The following RINT1 variants were observed in gnomAD, a reference collection of about 807,000 sequenced individuals.
RINT1 encodes the protein RAD50-interacting protein 1.
Under a neutral mutation model 97.7 loss-of-function variants are expected in RINT1, and 75 were observed. That is an observed-to-expected ratio of 0.77 (90% confidence interval 0.64 to 0.93). RINT1 has a LOEUF of 0.93. Among genes scored for constraint, RINT1 ranks in the 40% least tolerant of loss-of-function variants. The pLI is 0.00. For synonymous variants in RINT1, 303 were observed against 326.3 expected, an observed-to-expected ratio of 0.93 and a Z score of 0.77; for missense variants, 892 against 925.2, an observed-to-expected ratio of 0.96 and a Z score of 0.47.
At position 105,550,063 on chromosome 7, in the gene RINT1, G is replaced by C; in HGVS notation, c.1005G>C (p.Trp335Cys). The change falls in exon 8 of 15, where the codon TGG becomes TGC. Residue 335 changes from tryptophan to cysteine, a missense_variant. Transcript: ENST00000257700. Reference sequence around the variant, plus strand: ...TTTTCCTCCTTCCTTAGCCAGAATGGTACTTGGCTCAAGTACTTATGTGGA... The same window carrying C: ...TTTTCCTCCTTCCTTAGCCAGAATGCTACTTGGCTCAAGTACTTATGTGGA... Reference protein sequence around the residue: ...RQTNVLSKPEWYLAQVLMWIG... With the variant: ...RQTNVLSKPECYLAQVLMWIG... The C allele has an allele frequency of 6.2e-7, 1 of 1,603,812 alleles. No individual in the cohort carries two copies. The highest frequency in any genetic ancestry group is 8.5e-7 in the Non-Finnish European group (1 of 1,172,954).
Position 105,567,544 on chromosome 7 carries a change from G to A in RINT1, c.*233G>A, listed in dbSNP as rs1397744291. 3.0e-6 allele frequency: 2 copies of A among 673,974 alleles called. No individual in the cohort carries two copies. The highest frequency in any genetic ancestry group is 5.3e-6 in the Non-Finnish European group (2 of 377,508). The allele number at this position is 673,974 out of a possible 1,614,324, so 41.7% of individuals were successfully genotyped here. ...AATGAAAACTCAATTCTATTTACAA[G>A]TATAAATGCTGAGTATGTCTGTTGA... On this transcript the variant is annotated 3_prime_UTR_variant, in exon 15 of 15. Transcript: ENST00000257700.
At chr7:105,533,224 G>A (rs1311160354) in intron 2 of RINT1, among the ~76,000 whole-genome samples, 1 of 152,100 alleles carries the variant, frequency 6.6e-6, no homozygotes, top group East Asian at 1.9e-4. Context: ...CCATGATCTA[G>A]GACAGACGAC....
intron 11 of RINT1, among the ~76,000 whole-genome samples, chr7:105,561,484 T>C (rs998555085): frequency 2.6e-5 from 4 of 152,076 alleles, no homozygotes; most frequent in Non-Finnish European, 4.4e-5. Flanking sequence ...CCGAGATTGC[T>C]CCATTTCATT....
At chr7:105,563,104 A>G (rs1791511064) in intron 11 of RINT1, among the ~76,000 whole-genome samples, 1 of 151,884 alleles carries the variant, frequency 6.6e-6, no homozygotes. Flanking sequence ...ACAATATGAT[A>G]CGTGTTACAA....
intron 4 of RINT1, among the ~76,000 whole-genome samples, chr7:105,545,798 C>T (rs866437568): frequency 7.3e-6 from 1 of 136,412 alleles, no homozygotes; most frequent in African/African-American, 2.8e-5. Flanking sequence ...CCAAAGAGGC[C>T]ACCACGCCTG....
Position 105,536,565 on chromosome 7 carries a change from G to A in RINT1, c.89G>A (p.Ser30Asn), listed in dbSNP as rs751659106. 2 of 1,574,322 alleles carry A rather than the reference G, an allele frequency of 1.3e-6. No homozygotes were observed. Among genetic ancestry groups the A allele is most frequent in the South Asian group, 2.3e-5 (2 of 85,320 alleles). Reference sequence around the variant, plus strand: ...AGTAATTGTTATTCTTTTGTTGTAGGTGACATAAATGTTACAGTTCTTATT... The same window carrying A: ...AGTAATTGTTATTCTTTTGTTGTAGATGACATAAATGTTACAGTTCTTATT... ...GDERKNLEEK[S>N]DINVTVLIGS... is the part of the protein sequence containing the mutation. The change falls in exon 3 of 15, where the codon AGT becomes AAT. Residue 30 changes from serine to asparagine, a missense_variant and splice_region_variant. Physicochemically the swap from Ser to Asn is conservative, Grantham distance 46. Coordinates refer to ENST00000257700, the MANE Select transcript of RINT1 (RefSeq NM_021930.6).
intron 11 of RINT1, among the ~76,000 whole-genome samples, chr7:105,563,452 C>T (rs1249146597): frequency 6.6e-6 from 1 of 152,056 alleles, no homozygotes; most frequent in Middle Eastern, 3.2e-3. Flanking sequence ...CTTCCACCTT[C>T]CAGGTTCAAG....
At chr7:105,540,991 C>T (rs1490907763) in intron 3 of RINT1, among the ~76,000 whole-genome samples, 2 of 151,962 alleles carry the variant, frequency 1.3e-5, no homozygotes, top group Non-Finnish European at 2.9e-5. Flanking sequence ...TATGTGCCAC[C>T]ATGCTCAGCT....
Position 105,555,008 on chromosome 7 carries a change from C to A in RINT1, c.1472-20C>A. 6.2e-7 allele frequency: 1 copy of A among 1,603,976 alleles called. No individual in the cohort carries two copies. Among genetic ancestry groups the A allele is most frequent in the South Asian group, 1.1e-5 (1 of 90,620 alleles). On this transcript the variant is annotated intron_variant, in intron 10 of 14. Transcript: ENST00000257700. ...AGATGGTACCAAAACCTTCATATGT[C>A]TTAATAACTTTTTCCACAGACAGGT...
intron 11 of RINT1, among the ~76,000 whole-genome samples, chr7:105,562,922 CA>C (rs1791503097): frequency 6.6e-6 from 1 of 151,772 alleles, no homozygotes; most frequent in South Asian, 2.1e-4. Context: ...AACAAAAAAA[CA>C]AAACAAAAAA....
At chr7:105,564,435 A>G (rs1284115758) in intron 12 of RINT1, among the ~76,000 whole-genome samples, 1 of 152,148 alleles carries the variant, frequency 6.6e-6, no homozygotes, top group African/African-American at 2.4e-5. Context: ...GTTTGTAAAT[A>G]TATCAATAGG....
intron 11 of RINT1, 108 bp from the exon 12 acceptor site, chr7:105,563,625 C>T (rs905888355): frequency 3.5e-5 from 32 of 916,092 alleles, no homozygotes; most frequent in Admixed American, 7.2e-5. Context: ...AGCCACCGTG[C>T]CCGGTCGAAT....
chr7:105,566,113 AC>A (rs1189091669), intron 14 of RINT1, among the ~76,000 whole-genome samples: 324 of 24,226 alleles, frequency 0.013, 2 homozygotes, highest in African/African-American at 0.036. Flanking sequence ...TACTAAAAAT[AC>A]CAAAAAAAAA....
Position 105,565,187 on chromosome 7 carries a change from G to A in RINT1, c.1887-90G>A, listed in dbSNP as rs118063235. 5,470 of 1,189,268 alleles carry A rather than the reference G, an allele frequency of 4.6e-3. 97 individuals are homozygous for A. In the East Asian group the frequency reaches 0.048, roughly 10 times the overall value. 73.7% of individuals were successfully genotyped at this position (1,189,268 alleles called of 1,614,324 possible). ...TTTTTTCTTATCCAAAATGCCCTAGGACAGAACACTTCCTCAAATTTAAAA... is the reference window on the plus strand; with the variant it reads ...TTTTTTCTTATCCAAAATGCCCTAGAACAGAACACTTCCTCAAATTTAAAA... On this transcript the variant is annotated intron_variant, in intron 12 of 14. Coordinates refer to ENST00000257700, the MANE Select transcript of RINT1 (RefSeq NM_021930.6).
intron 11 of RINT1, among the ~76,000 whole-genome samples, chr7:105,558,016 A>G (rs1791259882): frequency 6.6e-6 from 1 of 152,218 alleles, no homozygotes; most frequent in Non-Finnish European, 1.5e-5. Context: ...CAGTTTGTTT[A>G]TAAAGTCAGC....
intron 10 of RINT1, 117 bp downstream of exon 10, chr7:105,551,824 G>A: frequency 1.3e-6 from 1 of 762,724 alleles, no homozygotes; most frequent in East Asian, 2.9e-5. Flanking sequence ...CTAGCACTTT[G>A]AGAGGCTGAG....
At chr7:105,562,637 G>A (rs7384092) in intron 11 of RINT1, among the ~76,000 whole-genome samples, 103,697 of 151,780 alleles carry the variant, frequency 0.68, 36,436 homozygotes, top group East Asian at 0.85. Context: ...GGTGACTCAC[G>A]CCTGTAATCC....
intron 4 of RINT1, among the ~76,000 whole-genome samples, chr7:105,543,186 G>A (rs989015394): frequency 2.6e-5 from 4 of 152,050 alleles, no homozygotes; most frequent in Non-Finnish European, 4.4e-5. Context: ...TACCGCGTCC[G>A]GCCAAACTTT....
At position 105,532,356 on chromosome 7, in the gene RINT1, C is replaced by T. The variant is rs201898612; in HGVS notation, c.41C>T (p.Pro14Leu). The T allele has an allele frequency of 1.9e-4, 311 of 1,601,298 alleles. No homozygotes were observed. The highest frequency in any genetic ancestry group is 2.5e-4 in the Non-Finnish European group (297 of 1,175,552). The change falls in exon 1 of 15, where the codon CCG becomes CTG. Residue 14 changes from proline to leucine, a missense_variant and splice_region_variant. Coordinates refer to ENST00000257700, the MANE Select transcript of RINT1 (RefSeq NM_021930.6). ...AGEIGASPAA[P>L]CCSESGDERK... is the part of the protein sequence containing the mutation. ...GAGATCGGCGCCTCTCCTGCAGCCC[C>T]GGTGAGACGGCCCTGGCGTCCCTGG...
Sources: gnomAD v4.1 joint callset for allele counts (sites outside exome capture counted in the v4.1 genomes callset) on GRCh38, gnomAD v4.1.1 for gene constraint, MANE v1.5 for transcripts, NCBI Gene and HGNC (gene_info 2026-07-23, HGNC 2026-07-21) for gene names.